EXOC1: variants seen among roughly 807,000 people sequenced by gnomAD.
EXOC1 encodes SEC3-like 1.
A neutral mutation model predicts 107.7 loss-of-function variants in EXOC1; 67 were observed. The observed-to-expected ratio is 0.62, with a 90% confidence interval of 0.51 to 0.76. EXOC1 has a LOEUF of 0.76. Among genes scored for constraint, EXOC1 ranks in the 30% least tolerant of loss-of-function variants. EXOC1 has a pLI of 0.00. For synonymous variants in EXOC1, 348 were observed against 353.5 expected, an observed-to-expected ratio of 0.98 and a Z score of 0.17; for missense variants, 833 against 1,055.7, an observed-to-expected ratio of 0.79 and a Z score of 2.92.
chr4:55,894,090 C>T lies in EXOC1; in HGVS notation c.1953+310C>T, dbSNP rs112945393. On this transcript the variant is annotated intron_variant, in intron 15 of 18. Coordinates refer to ENST00000381295, the MANE Select transcript of EXOC1 (RefSeq NM_001024924.2). ...CTGTAATGCCAGCACTTTTTAAGGC[C>T]GAGGTGGGCAGATCACCTGAGGTCA... is the stretch of plus-strand genomic sequence containing the variant. Among the ~76,000 whole-genome samples the T allele has an allele frequency of 5.9e-5, 9 of 152,168 alleles. 1 individual carries two copies. The highest frequency in any genetic ancestry group is 1.2e-4 in the African/African-American group (5 of 41,518).
At chr4:55,860,277 A>C in intron 2 of EXOC1, 134 bp from the exon 3 acceptor site, 1 of 1,032,536 alleles carries the variant, frequency 9.7e-7, no homozygotes, top group Non-Finnish European at 1.4e-6. Flanking sequence ...CCTCGGTCAT[A>C]GCACTTGTTG....
Position 55,871,112 on chromosome 4 carries a change from C to CTTGG in EXOC1, c.844_847dup (p.Ala283ValfsTer21). On this transcript the variant is annotated frameshift_variant, in exon 7 of 19. Transcript: ENST00000381295. LOFTEE classifies it high-confidence loss of function. Reference sequence around the variant, plus strand: ...TGCATATATTCTAGAACCACATGGACTTGGCCAAAGGTCATATAAAGGCCC... The same window carrying CTTGG: ...TGCATATATTCTAGAACCACATGGACTTGGTTGGCCAAAGGTCATATAAAGGCCC... The CTTGG allele has an allele frequency of 6.2e-7, 1 of 1,613,710 alleles. No homozygotes were observed. The highest frequency in any genetic ancestry group is 8.5e-7 in the Non-Finnish European group (1 of 1,179,820).
At chr4:55,897,856 T>C (rs374257421) in intron 16 of EXOC1, among the ~76,000 whole-genome samples, 1 of 152,214 alleles carries the variant, frequency 6.6e-6, no homozygotes, top group Admixed American at 6.5e-5. Context: ...CCTCAAGTGA[T>C]CTGCCCGCCT....
At chr4:55,892,797 T>C in intron 14 of EXOC1, 86 bp downstream of exon 14, 1 of 1,279,590 alleles carries the variant, frequency 7.8e-7, no homozygotes, top group South Asian at 1.2e-5. Flanking sequence ...TCTAGATGTT[T>C]CTCAGTAGCC....
chr4:55,884,315 A>G (rs895950235), intron 10 of EXOC1, among the ~76,000 whole-genome samples: 6 of 152,196 alleles, frequency 3.9e-5, no homozygotes, highest in Middle Eastern at 3.2e-3. Flanking sequence ...GGGGCAAGTC[A>G]CTAATCTCTT....
At chr4:55,877,402 G>T in intron 8 of EXOC1, 7 of 985,374 alleles carry the variant, frequency 7.1e-6, no homozygotes, top group Non-Finnish European at 8.4e-6. Context: ...TCTGCTCCAA[G>T]ACAGAAGTAA....
In EXOC1 at chr4:55,890,146, G is replaced by A. The variant is rs1039566421; in HGVS notation, c.1376-77G>A. 5.7e-6 allele frequency: 8 copies of A among 1,415,450 alleles called. No homozygotes were observed. In the African/African-American group the frequency reaches 1.1e-4, roughly 20 times the overall value. The allele number at this position is 1,415,450 out of a possible 1,614,324, so 87.7% of individuals were successfully genotyped here. A position where few individuals can be genotyped will look rare whatever the true frequency, so the allele number is the denominator to read the frequency against. ...TGGAAGATCAAGCCAGTAGAAGATA[G>A]AAGATCTATCCCTGCTTTATACTTT... On this transcript the variant is annotated intron_variant, in intron 11 of 18. Coordinates refer to ENST00000381295, the MANE Select transcript of EXOC1 (RefSeq NM_001024924.2).
At chr4:55,865,096 G>A (rs779912194) in intron 4 of EXOC1, among the ~76,000 whole-genome samples, 19 of 152,146 alleles carry the variant, frequency 1.2e-4, no homozygotes, top group Non-Finnish European at 2.4e-4. Context: ...TATGAACATA[G>A]TAAGAACAGT....
chr4:55,867,564 C>CA (rs5858354), intron 4 of EXOC1, among the ~76,000 whole-genome samples: 34,277 of 131,484 alleles, frequency 0.26, 4,144 homozygotes, highest in Non-Finnish European at 0.3. Flanking sequence ...TGTATTTCCT[C>CA]AAAAAAAAAA....
intron 5 of EXOC1, among the ~76,000 whole-genome samples, chr4:55,869,496 A>T (rs965224397): frequency 6.6e-6 from 1 of 152,214 alleles, no homozygotes; most frequent in Admixed American, 6.5e-5. Flanking sequence ...GAGGATAAGG[A>T]ACATTTTAAA....
chr4:55,897,024 C>T (rs1725288253), intron 16 of EXOC1, 124 bp downstream of exon 16: 1 of 728,776 alleles, frequency 1.4e-6, no homozygotes, highest in Non-Finnish European at 2.0e-6. Flanking sequence ...GGTTTTCTAA[C>T]ATTAAAGATT....
chr4:55,902,773 T>TTTGGTTGG (rs6148450), intron 18 of EXOC1, among the ~76,000 whole-genome samples: 2,435 of 149,982 alleles, frequency 0.016, 26 homozygotes, highest in Middle Eastern at 0.031. Context: ...TTTGTTTTTC[T>TTTGGTTGG]TTGGTTGGTT....
chr4:55,864,127 TTC>T, intron 3 of EXOC1, 98 bp from the exon 4 acceptor site: 1 of 770,722 alleles, frequency 1.3e-6, no homozygotes, highest in Non-Finnish European at 2.0e-6. Context: ...TTTAATACTC[TTC>T]ATTTTCCAAA....
At chr4:55,862,525 G>A (rs1390070814) in intron 3 of EXOC1, among the ~76,000 whole-genome samples, 3 of 152,066 alleles carry the variant, frequency 2.0e-5, no homozygotes, top group Non-Finnish European at 4.4e-5. Flanking sequence ...GTTTCATATT[G>A]GTTGCCAATA....
intron 1 of EXOC1, among the ~76,000 whole-genome samples, chr4:55,854,607 A>G (rs1037353954): frequency 4.6e-5 from 7 of 152,202 alleles, no homozygotes; most frequent in South Asian, 2.1e-4. Flanking sequence ...AACCTAGAAT[A>G]GTGTCTGCCA....
chr4:55,887,582 C>T (rs1036616455), intron 10 of EXOC1, among the ~76,000 whole-genome samples: 1 of 151,928 alleles, frequency 6.6e-6, no homozygotes, highest in South Asian at 2.1e-4. Context: ...AGTCTGTATT[C>T]CTTATTGACT....
Position 55,883,899 on chromosome 4 carries a change from C to T in EXOC1, c.1301C>T (p.Thr434Ile). 7 of 1,606,346 alleles carry T rather than the reference C, an allele frequency of 4.4e-6. No individual in the cohort carries two copies. The highest frequency in any genetic ancestry group is 4.2e-6 in the Non-Finnish European group (5 of 1,177,392). ...TTTGAAGTTGCAAAGATCAAGATGA[C>T]TGGCACAACTAAAGAAAGCAAGAAG... Reference protein sequence around the residue: ...DFFEVAKIKMTGTTKESKKFA... With the variant: ...DFFEVAKIKMIGTTKESKKFA... The change falls in exon 10 of 19, where the codon ACT becomes ATT. Residue 434 changes from threonine (T) to isoleucine (I), a missense_variant. Transcript: ENST00000381295.
At chr4:55,894,073 C>T (rs544004749) in intron 15 of EXOC1, among the ~76,000 whole-genome samples, 1 of 152,226 alleles carries the variant, frequency 6.6e-6, no homozygotes, top group East Asian at 1.9e-4. Flanking sequence ...ACCTGTAATG[C>T]CAGCACTTTT....
chr4:55,862,473 A>G (rs1721569350), intron 3 of EXOC1, among the ~76,000 whole-genome samples: 2 of 152,182 alleles, frequency 1.3e-5, no homozygotes, highest in Non-Finnish European at 2.9e-5. Flanking sequence ...CTTTTATGGT[A>G]TTATGGGAAA....
Sources: allele counts gnomAD v4.1 joint callset (sites outside exome capture counted in the v4.1 genomes callset), GRCh38; gene constraint gnomAD v4.1.1; transcripts MANE v1.5; gene names NCBI Gene and HGNC (gene_info 2026-07-23, HGNC 2026-07-21).